The following SNX29 variants were observed in gnomAD, a reference collection of about 807,000 sequenced individuals.
The protein encoded by SNX29 is sorting nexin-29.
Under a neutral mutation model 102.1 loss-of-function variants are expected in SNX29, and 78 were observed. That is an observed-to-expected ratio of 0.76 (90% CI 0.64 to 0.92). The LOEUF (loss-of-function observed/expected upper bound fraction) is 0.92. SNX29 is among the 40% of genes least tolerant of loss of function. The pLI, the probability that SNX29 is intolerant of heterozygous loss-of-function variation, is 0.00. For missense variants in SNX29, 1,280 were observed against 1,061.7 expected, an observed-to-expected ratio of 1.21 and a Z score of -2.86; for synonymous variants, 580 against 414.5, an observed-to-expected ratio of 1.40 and a Z score of -4.85.
At chr16:12,245,284 A>T (rs2078227697) in intron 14 of SNX29, among the ~76,000 whole-genome samples, 1 of 152,112 alleles carries the variant, frequency 6.6e-6, no homozygotes, top group Admixed American at 6.5e-5. Context: ...TCATCTGTTA[A>T]ATGGGGTAAT....
intron 15 of SNX29, among the ~76,000 whole-genome samples, chr16:12,340,019 C>G (rs1157564965): frequency 6.6e-6 from 1 of 152,224 alleles, no homozygotes; most frequent in Non-Finnish European, 1.5e-5. Flanking sequence ...GAGAGATGTT[C>G]ACCATGAGGG....
At chr16:12,411,960 C>T (rs1042571498) in intron 18 of SNX29, among the ~76,000 whole-genome samples, 3 of 152,160 alleles carry the variant, frequency 2.0e-5, no homozygotes, top group African/African-American at 7.2e-5. Context: ...GGGCATGTCC[C>T]CGTGTTCAAA....
chr16:12,228,447 A>T (rs1372321499), intron 14 of SNX29, among the ~76,000 whole-genome samples: 2 of 152,248 alleles, frequency 1.3e-5, no homozygotes, highest in African/African-American at 2.4e-5. Flanking sequence ...CCATGACAGC[A>T]GCAGCATCCT....
chr16:12,299,608 C>T (rs537118558), intron 15 of SNX29, among the ~76,000 whole-genome samples: 3 of 152,034 alleles, frequency 2.0e-5, no homozygotes, highest in African/African-American at 7.2e-5. Flanking sequence ...GGGGAGTGCT[C>T]GTTGCTACTG....
chr16:12,367,959 C>T (rs906828217), intron 16 of SNX29, among the ~76,000 whole-genome samples: 1 of 152,202 alleles, frequency 6.6e-6, no homozygotes, highest in Non-Finnish European at 1.5e-5. Context: ...ACCTCTAGAT[C>T]GAGAGAAGAA....
chr16:11,994,854 A>G (rs1279864788), intron 1 of SNX29, among the ~76,000 whole-genome samples: 1 of 152,120 alleles, frequency 6.6e-6, no homozygotes, highest in East Asian at 1.9e-4. Context: ...CAGAGTCTCC[A>G]TAGACTGTAG....
At chr16:12,094,476 A>C (rs79461729) in intron 11 of SNX29, among the ~76,000 whole-genome samples, 1 of 152,140 alleles carries the variant, frequency 6.6e-6, no homozygotes, top group Non-Finnish European at 1.5e-5. Context: ...GAGGCCCTGA[A>C]GTTCCCTTTA....
chr16:12,265,817 G>T (rs1032755560), intron 14 of SNX29, among the ~76,000 whole-genome samples: 2 of 152,048 alleles, frequency 1.3e-5, no homozygotes, highest in African/African-American at 4.8e-5. Context: ...TGAGCCTGGG[G>T]AGGTCGAGAC....
intron 17 of SNX29, among the ~76,000 whole-genome samples, chr16:12,400,111 C>A (rs1303646498): frequency 6.6e-6 from 1 of 152,006 alleles, no homozygotes; most frequent in East Asian, 1.9e-4. Flanking sequence ...TTTGGAACCT[C>A]CCCCAACCAG....
intron 14 of SNX29, among the ~76,000 whole-genome samples, chr16:12,235,248 A>C (rs532901604): frequency 2.0e-5 from 3 of 152,230 alleles, no homozygotes; most frequent in South Asian, 2.1e-4. Flanking sequence ...AGAAATGCAC[A>C]AACTATTGAG....
chr16:12,313,486 T>C (rs1005845359), intron 15 of SNX29, among the ~76,000 whole-genome samples: 1 of 152,238 alleles, frequency 6.6e-6, no homozygotes, highest in Non-Finnish European at 1.5e-5. Flanking sequence ...CCACCATGGC[T>C]TGATAAGTTC....
At chr16:12,468,195 T>A (rs13380476) in intron 18 of SNX29, among the ~76,000 whole-genome samples, 25,003 of 102,930 alleles carry the variant, frequency 0.24, 4,085 homozygotes, top group African/African-American at 0.48. Flanking sequence ...TTTTTTTTTT[T>A]AGGGGGAGTT....
intron 20 of SNX29, chr16:12,527,144 C>G (rs757535651): frequency 6.4e-5 from 33 of 513,428 alleles, no homozygotes; most frequent in Middle Eastern, 2.9e-4. Flanking sequence ...TCCCACAGCC[C>G]CCTTCTCCTT....
chr16:12,100,524 G>A (rs991219481), intron 11 of SNX29, among the ~76,000 whole-genome samples: 1 of 152,176 alleles, frequency 6.6e-6, no homozygotes, highest in Non-Finnish European at 1.5e-5. Flanking sequence ...GACGGTGCAT[G>A]CTGGAGGGGC....
At chr16:11,989,358 C>T (rs1164792947) in intron 1 of SNX29, among the ~76,000 whole-genome samples, 4 of 152,122 alleles carry the variant, frequency 2.6e-5, no homozygotes, top group Non-Finnish European at 4.4e-5. Flanking sequence ...ATGGATGGCC[C>T]GAGCCCATCT....
chr16:12,355,724 A>G (rs1467878885), intron 15 of SNX29, among the ~76,000 whole-genome samples: 1 of 152,064 alleles, frequency 6.6e-6, no homozygotes, highest in African/African-American at 2.4e-5. Flanking sequence ...TCAGCAGCTT[A>G]CAGCTGGCCC....
At chr16:12,540,366 C>A (rs983484256) in intron 20 of SNX29, among the ~76,000 whole-genome samples, 4 of 152,170 alleles carry the variant, frequency 2.6e-5, no homozygotes, top group African/African-American at 9.7e-5. Flanking sequence ...GTATTAATTT[C>A]TTATTGTTGC....
chr16:12,435,703 C>A lies in SNX29; in HGVS notation c.2037+32174C>A, dbSNP rs996047939. 6.6e-5 allele frequency among the ~76,000 whole-genome samples: 10 copies of A among 152,178 alleles called. No homozygotes were observed. The East Asian group carries it at 1.7e-3, about 26-fold the overall frequency. On this transcript the variant is annotated intron_variant, in intron 18 of 20. Coordinates refer to ENST00000566228, the MANE Select transcript of SNX29 (RefSeq NM_032167.5). ...TCTGGGTCCTCAGCCTTGTGGGGTT[C>A]TTTTGCTTTGCTCCTAGAAGGCCCC...
At chr16:12,201,140 T>G (rs1381112118) in intron 14 of SNX29, among the ~76,000 whole-genome samples, 1 of 152,246 alleles carries the variant, frequency 6.6e-6, no homozygotes, top group Non-Finnish European at 1.5e-5. Context: ...TATTCATATT[T>G]GGGTCAGTAA....
Sources: gnomAD v4.1 joint callset for allele counts (sites outside exome capture counted in the v4.1 genomes callset) on GRCh38, gnomAD v4.1.1 for gene constraint, MANE v1.5 for transcripts, NCBI Gene and HGNC (gene_info 2026-07-23, HGNC 2026-07-21) for gene names.